The following GALNT16 variants were observed in gnomAD, a reference collection of about 807,000 sequenced individuals.
The protein encoded by GALNT16 is UDP-GalNAc:polypeptide N-acetylgalactosaminyltransferase-like protein 1.
In GALNT16, 40 loss-of-function variants were observed where a neutral mutation model predicts 76.1. The ratio of observed to expected loss-of-function variants is 0.53; its 90% confidence interval spans 0.41 to 0.68. The LOEUF is 0.68. Among genes scored for constraint, GALNT16 ranks in the 30% least tolerant of loss-of-function variants. The pLI, the probability that GALNT16 is intolerant of heterozygous loss-of-function variation, is 0.00. For missense variants in GALNT16, 621 were observed against 731.9 expected (o/e 0.85, Z 1.75); for synonymous variants, 276 against 285.2 (o/e 0.97, Z 0.32).
At chr14:69,371,677 G>T in the GALNT16 span, among the ~76,000 whole-genome samples, 1 of 152,150 alleles carries the variant, frequency 6.6e-6, no homozygotes, top group South Asian at 2.1e-4. Flanking sequence ...CAGGCGTGGT[G>T]GCTCACGCCT....
chr14:69,337,352 G>A (rs2045427886), intron 9 of GALNT16, among the ~76,000 whole-genome samples: 1 of 152,202 alleles, frequency 6.6e-6, no homozygotes, highest in Non-Finnish European at 1.5e-5. Context: ...ATTAGATATT[G>A]GATAGAAAGA....
intron 1 of GALNT16, among the ~76,000 whole-genome samples, chr14:69,299,663 T>G (rs2044821466): frequency 6.6e-6 from 1 of 152,192 alleles, no homozygotes; most frequent in Non-Finnish European, 1.5e-5. Context: ...ATTATACATC[T>G]TGCTCACTGT....
intron 5 of GALNT16, among the ~76,000 whole-genome samples, chr14:69,326,760 T>C (rs2045290976): frequency 6.6e-6 from 1 of 152,204 alleles, no homozygotes; most frequent in Non-Finnish European, 1.5e-5. Context: ...GGGCATCCGG[T>C]TTGCTACTTT....
Position 69,260,422 on chromosome 14 carries a change from CAGG to C in GALNT16, c.136_138del (p.Arg46del). The C allele has an allele frequency of 6.3e-7, 1 of 1,594,880 alleles. No homozygotes were observed. The highest frequency in any genetic ancestry group is 8.5e-7 in the Non-Finnish European group (1 of 1,170,180). ...GCGGCCGGGGCGCGCAGAGGGCAGG[CAGG>C]AGGTCGGAGCAGCTCCGCGAGGACC... On this transcript the variant is annotated inframe_deletion, in exon 1 of 15. Coordinates refer to ENST00000448469, the MANE Select transcript of GALNT16 (RefSeq NM_001168368.2).
chr14:69,308,104 G>A (rs72625679), intron 1 of GALNT16, among the ~76,000 whole-genome samples: 9,875 of 152,132 alleles, frequency 0.065, 592 homozygotes, highest in East Asian at 0.31. Flanking sequence ...TACTCCGGAC[G>A]GTACCTCGGC....
downstream of GALNT16, chr14:69,355,991 C>T (rs1386273362): frequency 1.3e-5 from 2 of 152,270 alleles, no homozygotes; most frequent in Non-Finnish European, 2.9e-5. Flanking sequence ...GAAAGGAAAC[C>T]TGGAAGGGAA....
the GALNT16 span, among the ~76,000 whole-genome samples, chr14:69,362,690 A>C: frequency 7.2e-5 from 11 of 152,250 alleles, no homozygotes; most frequent in Admixed American, 5.9e-4. Flanking sequence ...AATGTCTGTC[A>C]TCAGGTCTTG....
intron 1 of GALNT16, among the ~76,000 whole-genome samples, chr14:69,295,534 A>G (rs2044747977): frequency 1.3e-5 from 2 of 152,080 alleles, no homozygotes; most frequent in Admixed American, 6.5e-5. Flanking sequence ...AGCCTGGCCA[A>G]CATAGCGAAA....
Position 69,354,327 on chromosome 14 carries a change from T to C in GALNT16, c.*2159T>C, listed in dbSNP as rs574057029. On this transcript the variant is annotated 3_prime_UTR_variant, in exon 15 of 15. Coordinates refer to ENST00000448469, the MANE Select transcript of GALNT16 (RefSeq NM_001168368.2). ...GTGGTCAGATCAGGCTCTGCACTTATCAGCCGGTCCTTTGTGGCAACGCAG... is the reference window on the plus strand; with the variant it reads ...GTGGTCAGATCAGGCTCTGCACTTACCAGCCGGTCCTTTGTGGCAACGCAG... 5.2e-5 allele frequency: 8 copies of C among 152,926 alleles called. No individual in the cohort carries two copies. Among genetic ancestry groups the C allele is most frequent in the African/African-American group, 1.4e-4 (6 of 41,596 alleles). 9.5% of individuals were successfully genotyped at this position (152,926 alleles called of 1,614,324 possible). A position where few individuals can be genotyped will look rare whatever the true frequency, so the allele number is the denominator to read the frequency against.
At position 69,331,531 on chromosome 14, in the gene GALNT16, C is replaced by A; in HGVS notation, c.758C>A (p.Ala253Glu). ...CTGGATAATTTTGCCTACCTTGCAG[C>A]ATCTGCTGACCTTCGTGGAGGTGAG... ...ISLDNFAYLA[A>E]SADLRGGFDW... The change falls in exon 7 of 15, where the codon GCA becomes GAA. Residue 253 changes from alanine (A) to glutamate (E), a missense_variant. By Grantham distance (107) the Ala-to-Glu change is moderately radical. Transcript: ENST00000448469. 1 of 1,602,828 alleles carries A rather than the reference C, an allele frequency of 6.2e-7. No individual in the cohort carries two copies. Among genetic ancestry groups the A allele is most frequent in the Non-Finnish European group, 8.5e-7 (1 of 1,169,616 alleles).
the GALNT16 span, chr14:69,380,573 GCAC>G: frequency 6.2e-7 from 1 of 1,608,928 alleles, no homozygotes; most frequent in Admixed American, 1.7e-5. Flanking sequence ...CGACGAAGGA[GCAC>G]GTAGATCTTC....
chr14:69,371,772 C>A, the GALNT16 span, among the ~76,000 whole-genome samples: 1 of 150,940 alleles, frequency 6.6e-6, no homozygotes, highest in Non-Finnish European at 1.5e-5. Flanking sequence ...GGTGAAACCC[C>A]ATCTCTACTA....
chr14:69,349,255 C>G (rs2045602591), intron 14 of GALNT16: 1 of 152,238 alleles, frequency 6.6e-6, no homozygotes, highest in Non-Finnish European at 1.5e-5. Context: ...GCACCCACCT[C>G]TCTGAGGGCA....
chr14:69,316,204 G>A (rs1343110806), intron 1 of GALNT16, among the ~76,000 whole-genome samples: 1 of 152,312 alleles, frequency 6.6e-6, no homozygotes, highest in Non-Finnish European at 1.5e-5. Flanking sequence ...ACTACCATAC[G>A]CCGGCTTGGT....
At position 69,347,879 on chromosome 14, in the gene GALNT16, A is replaced by G; in HGVS notation, c.1416A>G (p.Ala472=). 2 of 1,613,432 alleles carry G rather than the reference A, an allele frequency of 1.2e-6. No homozygotes were observed. Among genetic ancestry groups the G allele is most frequent in the Non-Finnish European group, 1.7e-6 (2 of 1,179,998 alleles). Reference sequence around the variant, plus strand: ...CCTTTCTGCTCCCTGCCTTGCAGGCATGGCTGTTCAGTGACCACCTCATCC... The same window carrying G: ...CCTTTCTGCTCCCTGCCTTGCAGGCGTGGCTGTTCAGTGACCACCTCATCC... ...GSAKNPQPAQ[A]WLFSDHLIQQ... is the part of the protein sequence containing the mutation. The change falls in exon 14 of 15, where the codon GCA becomes GCG. Residue 472 remains alanine, a splice_region_variant and synonymous_variant. Transcript: ENST00000448469.
the GALNT16 span, among the ~76,000 whole-genome samples, chr14:69,381,946 C>T: frequency 3.3e-5 from 5 of 152,332 alleles, no homozygotes; most frequent in South Asian, 4.1e-4. Context: ...CCGCCTCGGC[C>T]GCCCAAAGTG....
chr14:69,363,518 T>C, the GALNT16 span, among the ~76,000 whole-genome samples: 2 of 152,176 alleles, frequency 1.3e-5, no homozygotes, highest in Non-Finnish European at 2.9e-5. Context: ...TTAGGGGTGC[T>C]GTGAGATTTA....
chr14:69,383,940 G>A, the GALNT16 span, among the ~76,000 whole-genome samples: 7 of 152,128 alleles, frequency 4.6e-5, no homozygotes, highest in Non-Finnish European at 2.9e-5. Flanking sequence ...TTGAGCCCAG[G>A]AGTTTGAGAC....
intron 1 of GALNT16, among the ~76,000 whole-genome samples, chr14:69,305,024 A>AT (rs34668650): frequency 0.34 from 52,275 of 151,686 alleles, 9,056 homozygotes; most frequent in East Asian, 0.48. Flanking sequence ...TCTATTGTTA[A>AT]TTTTTTTAAG....
Sources: allele counts gnomAD v4.1 joint callset (sites outside exome capture counted in the v4.1 genomes callset), GRCh38; gene constraint gnomAD v4.1.1; transcripts MANE v1.5; gene names NCBI Gene and HGNC (gene_info 2026-07-23, HGNC 2026-07-21).